Variants in MYO16 observed in about 807,000 individuals in gnomAD.
The protein encoded by MYO16 is unconventional myosin-XVI.
A neutral mutation model predicts 205.3 loss-of-function variants in MYO16; 94 were observed. That is an observed-to-expected ratio of 0.46 (90% CI 0.39 to 0.54). The LOEUF (loss-of-function observed/expected upper bound fraction) is 0.54, where lower values mean the gene tolerates loss of function less well. Among genes scored for constraint, MYO16 ranks in the 20% least tolerant of loss-of-function variants. The probability of loss-of-function intolerance (pLI) is 0.00; values close to 1 mark genes in which losing one functional copy is unlikely to be tolerated. For synonymous variants in MYO16, 988 were observed against 954.0 expected (o/e 1.04, Z -0.66); for missense variants, 2,315 against 2,387.5 (o/e 0.97, Z 0.63).
chr13:109,066,000 A>G (rs1887737474), intron 27 of MYO16, among the ~76,000 whole-genome samples: 1 of 152,146 alleles, frequency 6.6e-6, no homozygotes, highest in Non-Finnish European at 1.5e-5. Flanking sequence ...GTGTTTTTAG[A>G]TTGTTACTGG....
chr13:108,738,192 T>G (rs201958071), intron 4 of MYO16, among the ~76,000 whole-genome samples: 107,534 of 152,004 alleles, frequency 0.71, 39,695 homozygotes, highest in Non-Finnish European at 0.81. Context: ...TGAATGTTTT[T>G]CTCTTGCTTC....
chr13:108,518,599 G>C, the MYO16 span, among the ~76,000 whole-genome samples: 1 of 152,204 alleles, frequency 6.6e-6, no homozygotes, highest in Non-Finnish European at 1.5e-5. Context: ...TCCTAAATTA[G>C]AGCTTCCATT....
At chr13:108,609,639 C>G (rs2139315375) in intron 1 of MYO16, among the ~76,000 whole-genome samples, 1 of 152,280 alleles carries the variant, frequency 6.6e-6, no homozygotes, top group Admixed American at 6.5e-5. Flanking sequence ...GTGGAAATTT[C>G]ATTTCTGCTT....
intron 32 of MYO16, among the ~76,000 whole-genome samples, chr13:109,155,931 T>C (rs532846161): frequency 1.3e-5 from 2 of 152,164 alleles, no homozygotes; most frequent in Admixed American, 6.5e-5. Context: ...ATTTGGATTA[T>C]GCTATCATGG....
At chr13:108,506,065 T>G in the MYO16 span, among the ~76,000 whole-genome samples, 1 of 152,130 alleles carries the variant, frequency 6.6e-6, no homozygotes, top group Admixed American at 6.6e-5. Flanking sequence ...CTACTGCAGC[T>G]TTTAACATGT....
chr13:108,743,107 A>G (rs922230404), intron 4 of MYO16, among the ~76,000 whole-genome samples: 1 of 152,224 alleles, frequency 6.6e-6, no homozygotes, highest in Non-Finnish European at 1.5e-5. Flanking sequence ...AAACCATAAG[A>G]AACAAAATAC....
the MYO16 span, among the ~76,000 whole-genome samples, chr13:108,495,899 G>C: frequency 2.6e-5 from 4 of 152,102 alleles, no homozygotes; most frequent in Middle Eastern, 0.01. Flanking sequence ...CCTGGCGCCC[G>C]GCTCCGGCGG....
At chr13:108,923,799 G>A (rs570218724) in intron 16 of MYO16, among the ~76,000 whole-genome samples, 2 of 152,048 alleles carry the variant, frequency 1.3e-5, no homozygotes, top group East Asian at 3.9e-4. Flanking sequence ...CTGCCACACC[G>A]TGACTTCATA....
chr13:108,531,563 T>C, the MYO16 span, among the ~76,000 whole-genome samples: 153 of 151,972 alleles, frequency 1.0e-3, 4 homozygotes, highest in South Asian at 0.029. Flanking sequence ...TGGGTGGACG[T>C]ACTCGTTACT....
At chr13:108,746,062 A>G (rs1814073) in intron 4 of MYO16, among the ~76,000 whole-genome samples, 149,222 of 151,944 alleles carry the variant, frequency 0.98, 73,319 homozygotes, top group Middle Eastern at 1. Flanking sequence ...GAGTGGTGGC[A>G]GGCGCCTGTA....
At chr13:108,607,932 G>A (rs1450201307) in intron 1 of MYO16, among the ~76,000 whole-genome samples, 2 of 152,052 alleles carry the variant, frequency 1.3e-5, no homozygotes, top group African/African-American at 4.8e-5. Flanking sequence ...TCTTGTTCCT[G>A]TTCTCTGATC....
intron 5 of MYO16, among the ~76,000 whole-genome samples, chr13:108,788,014 T>C (rs945723519): frequency 2.6e-5 from 4 of 152,174 alleles, no homozygotes; most frequent in South Asian, 4.1e-4. Flanking sequence ...TGGGCTGATG[T>C]CTTTAGAAAT....
chr13:108,629,901 G>T (rs1374415944), intron 1 of MYO16, 29 bp downstream of exon 1: 5 of 1,510,524 alleles, frequency 3.3e-6, no homozygotes, highest in Non-Finnish European at 4.4e-6. Flanking sequence ...TTGCTCATGT[G>T]GTTATTTGTC....
chr13:109,174,367 A>G (rs1474355454), intron 33 of MYO16, among the ~76,000 whole-genome samples: 4 of 152,194 alleles, frequency 2.6e-5, no homozygotes, highest in Non-Finnish European at 5.9e-5. Flanking sequence ...GAAGCTGGAG[A>G]CATGGTGGTT....
chr13:108,779,937 A>G (rs1311930864), intron 4 of MYO16: 1 of 152,184 alleles, frequency 6.6e-6, no homozygotes, highest in Admixed American at 6.5e-5. Flanking sequence ...TGATGGGCAC[A>G]ACATGGAGCC....
At chr13:108,724,548 G>C (rs12431074) in intron 3 of MYO16, among the ~76,000 whole-genome samples, 35,449 of 151,604 alleles carry the variant, frequency 0.23, 4,955 homozygotes, top group African/African-American at 0.4. Flanking sequence ...CTTTTTTTTA[G>C]TACTTGTGTC....
chr13:108,549,678 T>C, the MYO16 span, among the ~76,000 whole-genome samples: 7 of 152,082 alleles, frequency 4.6e-5, no homozygotes, highest in East Asian at 1.4e-3. Flanking sequence ...TTATATTTGG[T>C]GGGTTAATGG....
chr13:109,033,571 G>A (rs1179004769), intron 23 of MYO16, among the ~76,000 whole-genome samples: 1 of 152,066 alleles, frequency 6.6e-6, no homozygotes, highest in East Asian at 1.9e-4. Flanking sequence ...AAATTATTGA[G>A]GTCCATCAGG....
intron 1 of MYO16, among the ~76,000 whole-genome samples, chr13:108,636,189 A>G (rs538325913): frequency 3.3e-5 from 5 of 152,216 alleles, no homozygotes; most frequent in African/African-American, 1.2e-4. Context: ...TTAAGGTTAC[A>G]CTGTATTCAT....
Sources: allele counts gnomAD v4.1 joint callset (sites outside exome capture counted in the v4.1 genomes callset), GRCh38; gene constraint gnomAD v4.1.1; transcripts MANE v1.5; gene names NCBI Gene and HGNC (gene_info 2026-07-23, HGNC 2026-07-21).